Variants in AGMO observed in about 807,000 individuals in gnomAD.
AGMO encodes the protein alkylglycerol monooxygenase.
In AGMO, 75 loss-of-function variants were observed where a neutral mutation model predicts 60.2. That is an observed-to-expected ratio of 1.25 (90% confidence interval 1.03 to 1.51). The LOEUF (loss-of-function observed/expected upper bound fraction) is 1.51, where lower values mean the gene tolerates loss of function less well. Ranked by LOEUF, AGMO falls within the 40% of genes most tolerant of loss-of-function variation. The probability of loss-of-function intolerance (pLI) is 0.00; values close to 1 mark genes in which losing one functional copy is unlikely to be tolerated. For missense variants in AGMO, 763 were observed against 525.5 expected, an observed-to-expected ratio of 1.45 and a Z score of -4.42; for synonymous variants, 261 against 177.1, an observed-to-expected ratio of 1.47 and a Z score of -3.76.
At chr7:15,270,363 C>A (rs1397704169) in intron 12 of AGMO, among the ~76,000 whole-genome samples, 1 of 151,892 alleles carries the variant, frequency 6.6e-6, no homozygotes, top group African/African-American at 2.4e-5. Flanking sequence ...ATTTACATTT[C>A]TCTGATGATC....
At chr7:15,369,018 A>C (rs1389721364) in intron 10 of AGMO, among the ~76,000 whole-genome samples, 6 of 152,098 alleles carry the variant, frequency 3.9e-5, no homozygotes, top group Non-Finnish European at 2.9e-5. Context: ...CATCTTAGAA[A>C]ATGATACCTC....
chr7:15,391,599 C>T (rs1321438421), intron 6 of AGMO, among the ~76,000 whole-genome samples: 1 of 152,188 alleles, frequency 6.6e-6, no homozygotes, highest in African/African-American at 2.4e-5. Flanking sequence ...AGAAGCTCAA[C>T]TATCCTGTGT....
At chr7:15,522,192 A>G (rs993861787) in intron 3 of AGMO, among the ~76,000 whole-genome samples, 1 of 152,214 alleles carries the variant, frequency 6.6e-6, no homozygotes, top group African/African-American at 2.4e-5. Flanking sequence ...GCTCAAGGAT[A>G]TGAGAGAGGA....
chr7:15,413,893 A>C (rs62439279), intron 5 of AGMO, among the ~76,000 whole-genome samples: 111 of 152,226 alleles, frequency 7.3e-4, no homozygotes, highest in Non-Finnish European at 1.3e-3. Context: ...TTAGAAGGTA[A>C]ACATCTGGGC....
At chr7:15,423,314 G>A (rs1160428288) in intron 4 of AGMO, among the ~76,000 whole-genome samples, 1 of 152,188 alleles carries the variant, frequency 6.6e-6, no homozygotes, top group Non-Finnish European at 1.5e-5. Flanking sequence ...TATAGATAGA[G>A]AGCATTGATC....
chr7:15,177,215 G>A, the AGMO span, among the ~76,000 whole-genome samples: 1 of 151,968 alleles, frequency 6.6e-6, no homozygotes, highest in East Asian at 1.9e-4. Context: ...TGAAGTCTTT[G>A]CATTTGAAAC....
At chr7:15,323,431 G>T (rs1158298896) in intron 12 of AGMO, among the ~76,000 whole-genome samples, 1 of 152,096 alleles carries the variant, frequency 6.6e-6, no homozygotes, top group African/African-American at 2.4e-5. Flanking sequence ...GGGGATAAAA[G>T]ATAAAGTGTG....
At chr7:15,334,850 G>C (rs950362102) in intron 12 of AGMO, among the ~76,000 whole-genome samples, 2 of 152,086 alleles carry the variant, frequency 1.3e-5, no homozygotes, top group Non-Finnish European at 2.9e-5. Context: ...TTAAACAATA[G>C]TAGAGCAAAA....
At chr7:15,160,993 AAGAG>A in the AGMO span, among the ~76,000 whole-genome samples, 2 of 152,180 alleles carry the variant, frequency 1.3e-5, no homozygotes, top group Non-Finnish European at 2.9e-5. Context: ...AAAAGAGTGA[AAGAG>A]AGATAGAAAA....
the AGMO span, among the ~76,000 whole-genome samples, chr7:15,155,628 T>C: frequency 3.7e-4 from 57 of 152,120 alleles, no homozygotes; most frequent in African/African-American, 1.3e-3. Flanking sequence ...AATTCTGTGT[T>C]TGTCATTTAA....
chr7:15,375,168 G>C (rs1054415200), intron 10 of AGMO, among the ~76,000 whole-genome samples: 1 of 151,880 alleles, frequency 6.6e-6, no homozygotes, highest in African/African-American at 2.4e-5. Context: ...TATCTTTTTT[G>C]AATGCTCCAT....
chr7:15,134,256 G>A, the AGMO span, among the ~76,000 whole-genome samples: 1 of 152,036 alleles, frequency 6.6e-6, no homozygotes, highest in Non-Finnish European at 1.5e-5. Flanking sequence ...TCCACCTACT[G>A]AGCTCAAGTG....
Position 15,528,890 on chromosome 7 carries a change from C to T in AGMO, c.409+15882G>A, listed in dbSNP as rs143753393. Among the ~76,000 whole-genome samples the T allele has an allele frequency of 5.9e-3, 895 of 152,200 alleles. 8 individuals are homozygous for T. Among genetic ancestry groups the T allele is most frequent in the Admixed American group, 0.016 (242 of 15,272 alleles). ...CTCGAACTCCCAACCTCAGGTGATC[C>T]GCTTGCCTCAGCCTCCCAAAGCACT... On this transcript the variant is annotated intron_variant, in intron 3 of 12. Transcript: ENST00000342526.
chr7:15,126,564 A>G, the AGMO span, among the ~76,000 whole-genome samples: 1 of 152,060 alleles, frequency 6.6e-6, no homozygotes. Flanking sequence ...TCTTGCCCCA[A>G]TTCCTGTCTA....
At chr7:15,439,311 C>A (rs146307375) in intron 3 of AGMO, among the ~76,000 whole-genome samples, 1 of 152,122 alleles carries the variant, frequency 6.6e-6, no homozygotes. Flanking sequence ...GCAGGATAAT[C>A]GCTTGGACTC....
At chr7:15,428,341 C>A (rs745513522) in intron 4 of AGMO, among the ~76,000 whole-genome samples, 4 of 152,122 alleles carry the variant, frequency 2.6e-5, no homozygotes, top group Non-Finnish European at 5.9e-5. Context: ...TCCCACCATG[C>A]AAGTTCCCGC....
intron 12 of AGMO, among the ~76,000 whole-genome samples, chr7:15,237,358 GCTTT>G (rs1368777524): frequency 6.6e-6 from 1 of 152,066 alleles, no homozygotes; most frequent in Non-Finnish European, 1.5e-5. Flanking sequence ...GCTCATGCAG[GCTTT>G]CTTTTCTTTA....
chr7:15,225,294 G>A (rs1782045044), intron 12 of AGMO, among the ~76,000 whole-genome samples: 1 of 151,806 alleles, frequency 6.6e-6, no homozygotes, highest in South Asian at 2.1e-4. Context: ...CTAAAAATTT[G>A]CCTTTATAAT....
At chr7:15,136,024 G>A in the AGMO span, among the ~76,000 whole-genome samples, 12,202 of 79,586 alleles carry the variant, frequency 0.15, 947 homozygotes, top group African/African-American at 0.32. Flanking sequence ...ACGGAGTTTT[G>A]CTCTTGTTGC....
Sources: gnomAD v4.1 joint callset for allele counts (sites outside exome capture counted in the v4.1 genomes callset) on GRCh38, gnomAD v4.1.1 for gene constraint, MANE v1.5 for transcripts, NCBI Gene and HGNC (gene_info 2026-07-23, HGNC 2026-07-21) for gene names.